The following KPNA6 variants were observed in gnomAD, a reference collection of about 807,000 sequenced individuals.
KPNA6 encodes karyopherin subunit alpha 6.
A neutral mutation model predicts 72.0 loss-of-function variants in KPNA6; 9 were observed. The observed-to-expected ratio is 0.13, with a 90% CI of 0.08 to 0.22. The LOEUF is 0.22. KPNA6 is among the 10% of genes least tolerant of loss of function. The probability of loss-of-function intolerance (pLI) is 1.00; values close to 1 mark genes in which losing one functional copy is unlikely to be tolerated. For synonymous variants in KPNA6, 219 were observed against 242.1 expected (o/e 0.90, Z 0.89); for missense variants, 374 against 655.7 (o/e 0.57, Z 4.69).
chr1:32,166,468 T>C (rs1642339967), intron 11 of KPNA6, among the ~76,000 whole-genome samples: 1 of 150,486 alleles, frequency 6.6e-6, no homozygotes, highest in Admixed American at 6.6e-5. Flanking sequence ...GTACTAAAAA[T>C]ACAAAAATTA....
In KPNA6 at chr1:32,162,350, G is replaced by C; in HGVS notation, c.748-11G>C. ...TTCCCCTGTGAGTCTTTCTCACTCTGCTTCCCACAGGTCTCTCCTTGTTTG... is the reference window on the plus strand; with the variant it reads ...TTCCCCTGTGAGTCTTTCTCACTCTCCTTCCCACAGGTCTCTCCTTGTTTG... On this transcript the variant is annotated splice_polypyrimidine_tract_variant and intron_variant, in intron 8 of 13. Coordinates refer to ENST00000373625, the MANE Select transcript of KPNA6 (RefSeq NM_012316.5). 1 of 1,570,214 alleles carries C rather than the reference G, an allele frequency of 6.4e-7. No homozygotes were observed. Among genetic ancestry groups the C allele is most frequent in the Non-Finnish European group, 8.6e-7 (1 of 1,160,662 alleles).
chr1:32,126,286 C>G (rs1183958732), intron 1 of KPNA6, among the ~76,000 whole-genome samples: 1 of 114,304 alleles, frequency 8.7e-6, no homozygotes, highest in African/African-American at 3.2e-5. Flanking sequence ...AGATGCTTCC[C>G]CACCCCCCCA....
At chr1:32,108,445 G>C (rs1462281651) in intron 1 of KPNA6, among the ~76,000 whole-genome samples, 12 of 152,262 alleles carry the variant, frequency 7.9e-5, no homozygotes, top group Admixed American at 7.9e-4. Flanking sequence ...CCTGCGCCCA[G>C]ACTGGGGCTG....
intron 1 of KPNA6, among the ~76,000 whole-genome samples, chr1:32,150,776 G>C (rs1353270411): frequency 6.6e-5 from 10 of 152,102 alleles, no homozygotes; most frequent in African/African-American, 1.9e-4. Context: ...ACAGGTGCGT[G>C]CCACCAAGCT....
intron 7 of KPNA6, among the ~76,000 whole-genome samples, chr1:32,160,987 C>A (rs143524334): frequency 1.3e-5 from 2 of 152,078 alleles, no homozygotes; most frequent in East Asian, 3.8e-4. Context: ...GAAACCCCAA[C>A]TCTACAAAAA....
rs112686665 is a variant in KPNA6, at chr1:32,136,134, A to T, written c.5-18454A>T. Among the ~76,000 whole-genome samples the T allele has an allele frequency of 2.5e-4, 38 of 151,634 alleles. 1 individual carries two copies. The highest frequency in any genetic ancestry group is 8.9e-4 in the African/African-American group (37 of 41,342). On this transcript the variant is annotated intron_variant, in intron 1 of 13. Coordinates refer to ENST00000373625, the MANE Select transcript of KPNA6 (RefSeq NM_012316.5). ...AATATGTTTTTCAAAAATTAAACAA[A>T]CATTAAACAGTTGGCTGTATATAAA...
At chr1:32,108,357 C>T (rs1641182111) in intron 1 of KPNA6, among the ~76,000 whole-genome samples, 1 of 152,232 alleles carries the variant, frequency 6.6e-6, no homozygotes, top group Non-Finnish European at 1.5e-5. Flanking sequence ...CACCTTGGCA[C>T]GCCTGGAGCC....
chr1:32,158,894 A>G (rs1469478729), intron 5 of KPNA6, among the ~76,000 whole-genome samples: 1 of 152,242 alleles, frequency 6.6e-6, no homozygotes, highest in Non-Finnish European at 1.5e-5. Context: ...TCAGTTATAA[A>G]TCAGAGGCTA....
At chr1:32,165,034 G>A (rs1031612129) in intron 10 of KPNA6, among the ~76,000 whole-genome samples, 4 of 151,904 alleles carry the variant, frequency 2.6e-5, no homozygotes, top group African/African-American at 9.7e-5. Context: ...AAGTAGCTGG[G>A]ACTACAGGCA....
At chr1:32,144,984 A>G (rs1373930483) in intron 1 of KPNA6, among the ~76,000 whole-genome samples, 14 of 140,876 alleles carry the variant, frequency 9.9e-5, no homozygotes, top group African/African-American at 3.2e-4. Flanking sequence ...ATGGAATCTC[A>G]CACTGTCGCC....
chr1:32,154,441 A>C, intron 1 of KPNA6, 147 bp from the exon 2 acceptor site: 7 of 676,214 alleles, frequency 1.0e-5, no homozygotes, highest in Non-Finnish European at 1.7e-5. Context: ...GGGGGTGGGT[A>C]GAGATGTCAG....
chr1:32,133,659 G>A (rs1047024306), intron 1 of KPNA6, among the ~76,000 whole-genome samples: 3 of 152,020 alleles, frequency 2.0e-5, no homozygotes, highest in Admixed American at 1.3e-4. Context: ...ATTCCAGCCT[G>A]TATGACAGAG....
At chr1:32,137,837 C>T (rs924248354) in intron 1 of KPNA6, among the ~76,000 whole-genome samples, 5 of 151,794 alleles carry the variant, frequency 3.3e-5, no homozygotes, top group Non-Finnish European at 7.4e-5. Context: ...GCATTAACTG[C>T]GAAATAGGGA....
chr1:32,124,688 G>C (rs1242416021), intron 1 of KPNA6, among the ~76,000 whole-genome samples: 2 of 151,450 alleles, frequency 1.3e-5, no homozygotes, highest in East Asian at 3.9e-4. Context: ...TTGTATTTTA[G>C]TAGAGACGGG....
At chr1:32,123,554 A>G (rs192562599) in intron 1 of KPNA6, among the ~76,000 whole-genome samples, 1 of 151,876 alleles carries the variant, frequency 6.6e-6, no homozygotes, top group African/African-American at 2.4e-5. Context: ...CAGCCAGGAC[A>G]ACATGGTGAA....
Position 32,162,363 on chromosome 1 carries a change from C to G in KPNA6, c.750C>G (p.Val250=), listed in dbSNP as rs1642254540. 1 of 1,587,900 alleles carries G rather than the reference C, an allele frequency of 6.3e-7. No individual in the cohort carries two copies. The highest frequency in any genetic ancestry group is 1.3e-5 in the African/African-American group (1 of 74,096). ...CTTTCTCACTCTGCTTCCCACAGGT[C>G]TCTCCTTGTTTGCCTGTACTGTCTC... is the stretch of plus-strand genomic sequence containing the variant. ...GKNPPPEFAK[V]SPCLPVLSRL... is the part of the protein sequence containing the mutation. The change falls in exon 9 of 14, where the codon GTC becomes GTG. Residue 250 remains valine, a splice_region_variant and synonymous_variant. Transcript: ENST00000373625.
Position 32,158,420 on chromosome 1 carries a change from G to A in KPNA6, c.426+59G>A, listed in dbSNP as rs1295130795. 32 of 1,001,122 alleles carry A rather than the reference G, an allele frequency of 3.2e-5. 1 individual carries two copies. In the East Asian group the frequency reaches 7.7e-4, roughly 24 times the overall value. The allele number at this position is 1,001,122 out of a possible 1,614,324, so 62.0% of individuals were successfully genotyped here. ...TTTAATTTTTGGGGGATACATAGTA[G>A]GTATATATATTTATGGGATACATGA... is the stretch of plus-strand genomic sequence containing the variant. On this transcript the variant is annotated intron_variant, in intron 5 of 13. Transcript: ENST00000373625.
At chr1:32,144,689 C>T (rs908647731) in intron 1 of KPNA6, among the ~76,000 whole-genome samples, 25 of 151,768 alleles carry the variant, frequency 1.6e-4, no homozygotes, top group Admixed American at 1.6e-3. Flanking sequence ...CTCGCTCTGT[C>T]GCCCAGGGTG....
At position 32,173,342 on chromosome 1, in the gene KPNA6, T is replaced by G; in HGVS notation, c.*2448T>G. On this transcript the variant is annotated 3_prime_UTR_variant, in exon 14 of 14. Coordinates refer to ENST00000373625, the MANE Select transcript of KPNA6 (RefSeq NM_012316.5). The stretch of plus-strand genomic sequence containing the variant: ...CATACACATCCTGCTTGTCCAGCTG[T>G]TCCTCCAAAATCTACTTTGGCTTCA... 57 of 333,656 alleles carry G rather than the reference T, an allele frequency of 1.7e-4. No individual in the cohort carries two copies. Among genetic ancestry groups the G allele is most frequent in the East Asian group, 2.7e-4 (6 of 22,458 alleles). 20.7% of individuals were successfully genotyped at this position (333,656 alleles called of 1,614,324 possible).
Sources: allele counts gnomAD v4.1 joint callset (sites outside exome capture counted in the v4.1 genomes callset), GRCh38; gene constraint gnomAD v4.1.1; transcripts MANE v1.5; gene names NCBI Gene and HGNC (gene_info 2026-07-23, HGNC 2026-07-21).